Variants in NPSR1 observed in about 807,000 individuals in gnomAD.
NPSR1 encodes the protein neuropeptide S receptor 1.
In NPSR1, 48 loss-of-function variants were observed where a neutral mutation model predicts 46.9. The observed-to-expected ratio is 1.02, with a 90% CI of 0.81 to 1.30. NPSR1 has a LOEUF of 1.30. NPSR1 is among the 50% of genes most tolerant of loss of function. The probability of loss-of-function intolerance (pLI) is 0.00; values close to 1 mark genes in which losing one functional copy is unlikely to be tolerated. For missense variants in NPSR1, 450 were observed against 449.5 expected (o/e 1.00, Z -0.01); for synonymous variants, 176 against 168.1 (o/e 1.05, Z -0.36).
At chr7:34,791,395 C>T (rs1787873131) in intron 3 of NPSR1, among the ~76,000 whole-genome samples, 1 of 147,140 alleles carries the variant, frequency 6.8e-6, no homozygotes, top group South Asian at 2.1e-4. Context: ...AATCAACATG[C>T]AAAGTCAGTA....
intron 2 of NPSR1, among the ~76,000 whole-genome samples, chr7:34,689,945 T>TA (rs1271125138): frequency 4.3e-5 from 6 of 140,760 alleles, no homozygotes; most frequent in East Asian, 4.0e-4. Context: ...ACCCTGTCTC[T>TA]AAAAAAAATT....
At chr7:34,749,020 A>G (rs1263562960) in intron 2 of NPSR1, among the ~76,000 whole-genome samples, 1 of 152,180 alleles carries the variant, frequency 6.6e-6, no homozygotes, top group Non-Finnish European at 1.5e-5. Flanking sequence ...CCAGCCTTGA[A>G]TTAGTCCAAA....
intron 2 of NPSR1, among the ~76,000 whole-genome samples, chr7:34,712,357 T>A (rs1783342963): frequency 6.6e-6 from 1 of 152,226 alleles, no homozygotes; most frequent in Non-Finnish European, 1.5e-5. Context: ...TTGTTGTGCT[T>A]TTCTATGCCT....
intron 2 of NPSR1, chr7:34,753,787 A>G (rs1441960230): frequency 6.6e-6 from 1 of 152,168 alleles, no homozygotes; most frequent in East Asian, 1.9e-4. Context: ...GGATTGCTTG[A>G]AGCCAGGAGT....
chr7:34,762,045 A>G (rs1300888821), intron 2 of NPSR1, among the ~76,000 whole-genome samples: 1 of 152,202 alleles, frequency 6.6e-6, no homozygotes, highest in Non-Finnish European at 1.5e-5. Flanking sequence ...TCTGAATACA[A>G]CAGAGGCAAA....
chr7:34,752,459 T>C (rs1229933789), intron 2 of NPSR1, among the ~76,000 whole-genome samples: 1 of 152,202 alleles, frequency 6.6e-6, no homozygotes, highest in East Asian at 1.9e-4. Flanking sequence ...TGTTATTTTG[T>C]CATGCCTTAA....
At chr7:34,731,123 T>C (rs1010270519) in intron 2 of NPSR1, among the ~76,000 whole-genome samples, 1 of 152,144 alleles carries the variant, frequency 6.6e-6, no homozygotes, top group Non-Finnish European at 1.5e-5. Flanking sequence ...ATTGTAAAGA[T>C]TTTTTTAATA....
intron 4 of NPSR1, among the ~76,000 whole-genome samples, chr7:34,824,446 C>T (rs1041178092): frequency 1.3e-5 from 2 of 152,156 alleles, no homozygotes; most frequent in Admixed American, 1.3e-4. Flanking sequence ...TGAGAAGTCA[C>T]TCTTCATGGC....
intron 2 of NPSR1, among the ~76,000 whole-genome samples, chr7:34,689,676 T>TAA (rs1583815121): frequency 6.9e-6 from 1 of 144,596 alleles, no homozygotes; most frequent in Non-Finnish European, 1.5e-5. Context: ...GGCATGGTGG[T>TAA]TTATGCCTGT....
intron 3 of NPSR1, among the ~76,000 whole-genome samples, chr7:34,792,560 C>CAT (rs538063783): frequency 2.1e-3 from 241 of 115,642 alleles, no homozygotes; most frequent in Non-Finnish European, 2.9e-3. Flanking sequence ...TATATATGTA[C>CAT]ATATATATAT....
At chr7:34,799,035 G>C (rs530340825) in intron 3 of NPSR1, among the ~76,000 whole-genome samples, 1 of 152,126 alleles carries the variant, frequency 6.6e-6, no homozygotes, top group South Asian at 2.1e-4. Flanking sequence ...CTAATCTTAG[G>C]CCTTAGGAAA....
At chr7:34,768,001 AG>A (rs1786510704) in intron 2 of NPSR1, among the ~76,000 whole-genome samples, 1 of 152,156 alleles carries the variant, frequency 6.6e-6, no homozygotes, top group Non-Finnish European at 1.5e-5. Context: ...CATAACTAAA[AG>A]AATATTGCAT....
chr7:34,717,177 G>A (rs1052722054), intron 2 of NPSR1, among the ~76,000 whole-genome samples: 1 of 152,188 alleles, frequency 6.6e-6, no homozygotes, highest in Non-Finnish European at 1.5e-5. Flanking sequence ...TTGTTGCCCA[G>A]GCTGCAGTGC....
chr7:34,861,451 A>C (rs1791189756), intron 8 of NPSR1, among the ~76,000 whole-genome samples: 1 of 151,732 alleles, frequency 6.6e-6, no homozygotes, highest in South Asian at 2.1e-4. Context: ...CCAGCCCAGC[A>C]ATCTGGATGC....
intron 2 of NPSR1, among the ~76,000 whole-genome samples, chr7:34,714,052 T>G (rs1455924741): frequency 1.3e-5 from 2 of 152,274 alleles, no homozygotes; most frequent in Non-Finnish European, 2.9e-5. Flanking sequence ...TTCTCCATGC[T>G]GTCTGAGACT....
intron 8 of NPSR1, among the ~76,000 whole-genome samples, chr7:34,870,512 T>C (rs1791425751): frequency 6.6e-6 from 1 of 151,776 alleles, no homozygotes; most frequent in Non-Finnish European, 1.5e-5. Context: ...AGATTTCCTT[T>C]TCTGAGCTAA....
At chr7:34,792,581 G>A (rs986456765) in intron 3 of NPSR1, among the ~76,000 whole-genome samples, 6 of 136,214 alleles carry the variant, frequency 4.4e-5, no homozygotes, top group South Asian at 2.2e-4. Context: ...ATGTGTGTGT[G>A]TATATATATA....
intron 3 of NPSR1, among the ~76,000 whole-genome samples, chr7:34,781,086 A>T (rs1787208274): frequency 6.6e-6 from 1 of 152,136 alleles, no homozygotes; most frequent in Non-Finnish European, 1.5e-5. Context: ...CATCCTAAGG[A>T]AAAAATAGAG....
intron 1 of NPSR1, among the ~76,000 whole-genome samples, chr7:34,662,360 C>G (rs561647668): frequency 3.9e-4 from 60 of 152,110 alleles, no homozygotes; most frequent in Admixed American, 7.9e-4. Flanking sequence ...TTTCTTAACA[C>G]ACTCTTCCTC....
Sources: allele counts gnomAD v4.1 joint callset (sites outside exome capture counted in the v4.1 genomes callset), GRCh38; gene constraint gnomAD v4.1.1; transcripts MANE v1.5; gene names NCBI Gene and HGNC (gene_info 2026-07-23, HGNC 2026-07-21).